IL1RAPL1: variants seen among roughly 807,000 people sequenced by gnomAD.
The protein encoded by IL1RAPL1 is interleukin 1 receptor accessory protein like 1, also known as interleukin-1 receptor accessory protein-like 1.
Under a neutral mutation model 48.4 loss-of-function variants are expected in IL1RAPL1, and 3 were observed. The observed-to-expected ratio is 0.06, with a 90% CI of 0.03 to 0.16. IL1RAPL1 has a LOEUF of 0.16. Among genes scored for constraint, IL1RAPL1 ranks in the 10% least tolerant of loss-of-function variants. IL1RAPL1 has a pLI of 1.00. For missense variants in IL1RAPL1, 349 were observed against 530.6 expected, an observed-to-expected ratio of 0.66 and a Z score of 3.36; for synonymous variants, 185 against 187.7, an observed-to-expected ratio of 0.99 and a Z score of 0.12.
intron 6 of IL1RAPL1, among the ~76,000 whole-genome samples, chrX:29,721,171 T>C (rs1489700030): frequency 8.9e-6 from 1 of 112,035 alleles, no homozygotes; most frequent in African/African-American, 3.2e-5. Context: ...CCGGGGCAGC[T>C]CCAGGCTCAC....
intron 2 of IL1RAPL1, among the ~76,000 whole-genome samples, chrX:28,859,471 G>A (rs1921887087): frequency 9.0e-6 from 1 of 111,057 alleles, no homozygotes; most frequent in Non-Finnish European, 1.9e-5. Context: ...TGTTGGCGAG[G>A]ATAGTCTGGA....
At chrX:28,619,465 G>A (rs751862048) in intron 1 of IL1RAPL1, among the ~76,000 whole-genome samples, 6 of 108,754 alleles carry the variant, frequency 5.5e-5, no homozygotes, top group East Asian at 2.9e-4. Flanking sequence ...AAAATTAGCC[G>A]GCATAGTGGC....
intron 1 of IL1RAPL1, among the ~76,000 whole-genome samples, chrX:28,652,762 C>T (rs1329921515): frequency 9.1e-6 from 1 of 109,691 alleles, no homozygotes; most frequent in Non-Finnish European, 1.9e-5. Context: ...CTTTGTAAAA[C>T]AGCTGCATAG....
chrX:28,793,371 T>G (rs762386363), intron 2 of IL1RAPL1, among the ~76,000 whole-genome samples: 4 of 108,579 alleles, frequency 3.7e-5, no homozygotes, highest in Admixed American at 9.8e-5. Flanking sequence ...TCCCTTTTTG[T>G]TCTTTCCTTC....
rs189781130 is a variant in IL1RAPL1 at position 28,825,490 on chromosome X, A to G, written c.82+36065A>G. 5.0e-3 allele frequency among the ~76,000 whole-genome samples: 555 copies of G among 111,474 alleles called. 2 individuals are homozygous for G. Among genetic ancestry groups the G allele is most frequent in the South Asian group, 8.6e-3 (23 of 2,679 alleles). ...GCAGATTTTGGAATATGTCATTTTCAGTAGCTTTGACAGATATGTAAATAA... is the reference window on the plus strand; with the variant it reads ...GCAGATTTTGGAATATGTCATTTTCGGTAGCTTTGACAGATATGTAAATAA... On this transcript the variant is annotated intron_variant, in intron 2 of 10. Transcript: ENST00000378993.
At chrX:29,715,525 G>T (rs1927458390) in intron 6 of IL1RAPL1, among the ~76,000 whole-genome samples, 1 of 111,705 alleles carries the variant, frequency 9.0e-6, no homozygotes, top group Non-Finnish European at 1.9e-5. Context: ...GCTTATACAA[G>T]TTGGACCTCT....
chrX:29,477,435 G>A (rs912650963), intron 5 of IL1RAPL1, among the ~76,000 whole-genome samples: 2 of 111,984 alleles, frequency 1.8e-5, no homozygotes, highest in Non-Finnish European at 3.8e-5. Flanking sequence ...TATTTGTTGT[G>A]TTTACATTTC....
At chrX:29,683,207 T>C (rs769352284) in intron 6 of IL1RAPL1, among the ~76,000 whole-genome samples, 1 of 111,935 alleles carries the variant, frequency 8.9e-6, no homozygotes, top group South Asian at 3.7e-4. Flanking sequence ...CAAATCCACA[T>C]AGGTGGCTAG....
chrX:29,110,738 T>G (rs1928547665), intron 2 of IL1RAPL1, among the ~76,000 whole-genome samples: 2 of 111,924 alleles, frequency 1.8e-5, no homozygotes, highest in African/African-American at 6.5e-5. Context: ...CATTATTGTG[T>G]AGTTTCTGTG....
At chrX:29,656,996 C>A (rs1322643345) in intron 5 of IL1RAPL1, among the ~76,000 whole-genome samples, 2 of 110,921 alleles carry the variant, frequency 1.8e-5, no homozygotes, top group Non-Finnish European at 3.8e-5. Context: ...CCCTATCATA[C>A]CTGATCTTTC....
At chrX:29,933,733 TA>T (rs758527300) in intron 8 of IL1RAPL1, among the ~76,000 whole-genome samples, 1 of 106,531 alleles carries the variant, frequency 9.4e-6, no homozygotes, top group South Asian at 4.0e-4. Context: ...AGACAAATAA[TA>T]AACAATAATA....
intron 1 of IL1RAPL1, among the ~76,000 whole-genome samples, chrX:28,708,265 G>A (rs756177064): frequency 4.5e-5 from 5 of 111,234 alleles, no homozygotes; most frequent in African/African-American, 6.5e-5. Flanking sequence ...AGAATTCCTA[G>A]ATTTCCATGT....
At chrX:29,130,592 A>G (rs1220055809) in intron 2 of IL1RAPL1, among the ~76,000 whole-genome samples, 3 of 112,268 alleles carry the variant, frequency 2.7e-5, no homozygotes, top group African/African-American at 9.7e-5. Flanking sequence ...CTTACTTTAA[A>G]TTGTGCCACT....
At chrX:29,058,302 G>A (rs1389575787) in intron 2 of IL1RAPL1, among the ~76,000 whole-genome samples, 1 of 110,444 alleles carries the variant, frequency 9.1e-6, no homozygotes, top group African/African-American at 3.3e-5. Context: ...ACTTGAACCC[G>A]GGAGGCGGAG....
At chrX:29,746,156 T>C (rs946122946) in intron 6 of IL1RAPL1, among the ~76,000 whole-genome samples, 2 of 111,996 alleles carry the variant, frequency 1.8e-5, no homozygotes, top group Non-Finnish European at 3.8e-5. Context: ...ACTTGTGGAA[T>C]TAACTAGCAA....
At chrX:29,323,733 A>T (rs1932822662) in intron 3 of IL1RAPL1, among the ~76,000 whole-genome samples, 4 of 7,224 alleles carry the variant, frequency 5.5e-4, no homozygotes, top group Non-Finnish European at 9.0e-4. Context: ...ATATATATAT[A>T]TATATATATA....
intron 2 of IL1RAPL1, among the ~76,000 whole-genome samples, chrX:28,987,537 T>G (rs1925503927): frequency 9.0e-6 from 1 of 111,337 alleles, no homozygotes; most frequent in African/African-American, 3.3e-5. Flanking sequence ...CACACACACT[T>G]GCATTTCTTT....
intron 6 of IL1RAPL1, among the ~76,000 whole-genome samples, chrX:29,916,449 C>T (rs1281551287): frequency 1.8e-5 from 2 of 111,763 alleles, no homozygotes; most frequent in Admixed American, 9.5e-5. Context: ...TGAGAGTTTG[C>T]TTACTTCAAA....
chrX:28,742,229 A>G (rs186931490), intron 1 of IL1RAPL1, among the ~76,000 whole-genome samples: 1 of 111,368 alleles, frequency 9.0e-6, no homozygotes, highest in East Asian at 2.8e-4. Flanking sequence ...TTAAAATACC[A>G]GTAAAGGGCA....
Sources: gnomAD v4.1 joint callset for allele counts (sites outside exome capture counted in the v4.1 genomes callset) on GRCh38, gnomAD v4.1.1 for gene constraint, MANE v1.5 for transcripts, NCBI Gene and HGNC (gene_info 2026-07-23, HGNC 2026-07-21) for gene names.